Variants in CRTAC1 observed in about 807,000 individuals in gnomAD.
CRTAC1 encodes the protein cartilage acidic protein 1, also known as acidic secreted protein in cartilage.
Under a neutral mutation model 67.8 loss-of-function variants are expected in CRTAC1, and 37 were observed. The ratio of observed to expected loss-of-function variants is 0.55; its 90% CI spans 0.42 to 0.72. The LOEUF (loss-of-function observed/expected upper bound fraction) is 0.72, where lower values mean the gene tolerates loss of function less well. Ranked by LOEUF, CRTAC1 falls within the 30% of genes least tolerant of loss-of-function variation. The probability of loss-of-function intolerance (pLI) is 0.00; values close to 1 mark genes in which losing one functional copy is unlikely to be tolerated. For synonymous variants in CRTAC1, 348 were observed against 371.0 expected (o/e 0.94, Z 0.71); for missense variants, 780 against 931.6 (o/e 0.84, Z 2.12).
intron 14 of CRTAC1, 104 bp from the exon 15 acceptor site, chr10:97,865,818 C>T (rs570748713): frequency 1.0e-4 from 42 of 400,380 alleles, no homozygotes; most frequent in South Asian, 6.0e-4. Context: ...CCCTGCTGCC[C>T]GGGGTGGGAG....
intron 2 of CRTAC1, among the ~76,000 whole-genome samples, chr10:98,002,818 C>G (rs535320856): frequency 3.2e-5 from 4 of 125,218 alleles, no homozygotes; most frequent in Non-Finnish European, 6.4e-5. Context: ...TGTCTCTGTC[C>G]CCCAGGCTGG....
At chr10:97,996,462 A>G (rs1302468996) in intron 2 of CRTAC1, among the ~76,000 whole-genome samples, 1 of 152,126 alleles carries the variant, frequency 6.6e-6, no homozygotes, top group African/African-American at 2.4e-5. Context: ...ACATTTATGC[A>G]GCCAAAAAAC....
At chr10:97,893,295 A>G (rs2050403197) in intron 11 of CRTAC1, among the ~76,000 whole-genome samples, 2 of 152,070 alleles carry the variant, frequency 1.3e-5, no homozygotes, top group African/African-American at 4.8e-5. Context: ...TAACATTTGT[A>G]TTTACTAATT....
intron 2 of CRTAC1, among the ~76,000 whole-genome samples, chr10:97,958,655 G>A (rs1293543116): frequency 6.6e-6 from 1 of 152,078 alleles, no homozygotes; most frequent in East Asian, 1.9e-4. Context: ...TAGGGGTTTT[G>A]GAGCACACCC....
At chr10:97,914,959 C>T (rs2050738311) in intron 5 of CRTAC1, among the ~76,000 whole-genome samples, 1 of 152,072 alleles carries the variant, frequency 6.6e-6, no homozygotes, top group Non-Finnish European at 1.5e-5. Flanking sequence ...GGAGCAGCTG[C>T]AGCTGCGGAA....
chr10:97,972,600 A>G (rs2051733335), intron 2 of CRTAC1, among the ~76,000 whole-genome samples: 1 of 152,254 alleles, frequency 6.6e-6, no homozygotes, highest in African/African-American at 2.4e-5. Context: ...AAAACAAAAA[A>G]ATAAAAAAGT....
intron 5 of CRTAC1, among the ~76,000 whole-genome samples, chr10:97,915,705 G>A (rs968645702): frequency 5.9e-5 from 9 of 151,856 alleles, no homozygotes; most frequent in African/African-American, 1.7e-4. Flanking sequence ...GGGCTACAGG[G>A]TAGTGTTGGG....
At chr10:97,967,854 T>C (rs1394419948) in intron 2 of CRTAC1, among the ~76,000 whole-genome samples, 1 of 152,182 alleles carries the variant, frequency 6.6e-6, no homozygotes, top group Non-Finnish European at 1.5e-5. Flanking sequence ...TCAAGGTCCC[T>C]TTCAACCCAG....
intron 3 of CRTAC1, among the ~76,000 whole-genome samples, chr10:97,931,916 T>G (rs2051009546): frequency 1.3e-5 from 2 of 152,118 alleles, no homozygotes; most frequent in African/African-American, 4.8e-5. Context: ...ACCTGTCTCT[T>G]GTCCCCCTGC....
At chr10:98,028,540 T>C (rs1843288456) in intron 1 of CRTAC1, among the ~76,000 whole-genome samples, 1 of 152,148 alleles carries the variant, frequency 6.6e-6, no homozygotes, top group South Asian at 2.1e-4. Flanking sequence ...ACACAGGCCA[T>C]TGGTCCACAG....
intron 2 of CRTAC1, among the ~76,000 whole-genome samples, chr10:97,968,298 A>G (rs1379472645): frequency 6.6e-5 from 10 of 152,238 alleles, no homozygotes; most frequent in Admixed American, 5.9e-4. Flanking sequence ...GCTGGAGTGC[A>G]GTGGCACTAT....
At chr10:97,913,114 CAGAGAGAG>C (rs71488844) in intron 5 of CRTAC1, among the ~76,000 whole-genome samples, 4 of 149,300 alleles carry the variant, frequency 2.7e-5, no homozygotes, top group Non-Finnish European at 4.5e-5. Context: ...GGAATGGGCA[CAGAGAGAG>C]AGAGAGAGAG....
At chr10:97,884,082 CT>C (rs2050248625) in intron 12 of CRTAC1, 123 bp downstream of exon 12, 1 of 1,168,698 alleles carries the variant, frequency 8.6e-7, no homozygotes. Context: ...GAAGCCTTCG[CT>C]TTGCCAAGAT....
chr10:97,983,220 T>C (rs1449018686), intron 2 of CRTAC1, among the ~76,000 whole-genome samples: 1 of 148,746 alleles, frequency 6.7e-6, no homozygotes, highest in East Asian at 2.0e-4. Context: ...ACAGAGAGAG[T>C]TATGGAATGC....
chr10:97,970,536 T>C (rs1021867841), intron 2 of CRTAC1, among the ~76,000 whole-genome samples: 1 of 152,188 alleles, frequency 6.6e-6, no homozygotes, highest in Non-Finnish European at 1.5e-5. Flanking sequence ...CAGAGAAGGC[T>C]ACCGTGTTCC....
At chr10:97,873,780 G>A (rs1285589339) in intron 14 of CRTAC1, among the ~76,000 whole-genome samples, 2 of 152,166 alleles carry the variant, frequency 1.3e-5, no homozygotes, top group Non-Finnish European at 2.9e-5. Context: ...ATGAGGTTCT[G>A]GGCGGGACGT....
chr10:97,998,576 A>G (rs370078012), intron 2 of CRTAC1, among the ~76,000 whole-genome samples: 2 of 152,226 alleles, frequency 1.3e-5, no homozygotes, highest in East Asian at 1.9e-4. Context: ...AAGATACAGT[A>G]GAGATATTTT....
rs1448579140 is a variant in CRTAC1, at chr10:97,882,788, A to G, written c.1673T>C (p.Met558Thr). 1.2e-6 allele frequency: 2 copies of G among 1,614,036 alleles called. No homozygotes were observed. The highest frequency in any genetic ancestry group is 1.7e-6 in the Non-Finnish European group (2 of 1,180,024). Residue 558 changes from methionine (M) to threonine (T), a missense_variant and splice_region_variant, in exon 13 of 15, where the codon ATG becomes ACG. By Grantham distance (81) the Met-to-Thr change is moderately conservative. Transcript: ENST00000370597. The stretch of plus-strand genomic sequence containing the variant: ...CCTGGTGACTGAAGGCAACTCACCC[A>G]TGCAATGGCCATTTTCCTGCTGGGA... Reference protein sequence around the residue: ...GFSQQENGHCMDTNECIQFPF... With the variant: ...GFSQQENGHCTDTNECIQFPF...
intron 2 of CRTAC1, among the ~76,000 whole-genome samples, chr10:97,982,370 A>G (rs1471643798): frequency 6.6e-6 from 1 of 152,228 alleles, no homozygotes; most frequent in Non-Finnish European, 1.5e-5. Context: ...GCGGAAAGTT[A>G]TGTCCCTAAC....
Sources: gnomAD v4.1 joint callset for allele counts (sites outside exome capture counted in the v4.1 genomes callset) on GRCh38, gnomAD v4.1.1 for gene constraint, MANE v1.5 for transcripts, NCBI Gene and HGNC (gene_info 2026-07-23, HGNC 2026-07-21) for gene names.